The following LARP4B variants were observed in gnomAD, a reference collection of about 807,000 sequenced individuals.
The protein encoded by LARP4B is la-related protein 4B.
LARP4B carries 12 observed loss-of-function variants against 89.8 expected under a neutral mutation model. The observed-to-expected ratio is 0.13, with a 90% confidence interval of 0.09 to 0.22. The LOEUF is 0.22. LARP4B is among the 10% of genes least tolerant of loss of function. The pLI, the probability that LARP4B is intolerant of heterozygous loss-of-function variation, is 1.00. For missense variants in LARP4B, 757 were observed against 947.7 expected, an observed-to-expected ratio of 0.80 and a Z score of 2.64; for synonymous variants, 367 against 363.3, an observed-to-expected ratio of 1.01 and a Z score of -0.12.
chr10:854,007 T>C (rs1834181417), intron 5 of LARP4B, among the ~76,000 whole-genome samples: 1 of 152,256 alleles, frequency 6.6e-6, no homozygotes, highest in Non-Finnish European at 1.5e-5. Flanking sequence ...GTTTATGGAA[T>C]ATTCTAAATC....
intron 3 of LARP4B, among the ~76,000 whole-genome samples, chr10:878,922 AT>A (rs1351139261): frequency 3.9e-5 from 6 of 152,198 alleles, no homozygotes; most frequent in Non-Finnish European, 7.4e-5. Flanking sequence ...AAAATTACTA[AT>A]TTTTTTAAAG....
intron 3 of LARP4B, among the ~76,000 whole-genome samples, chr10:865,556 G>A (rs780410075): frequency 4.6e-5 from 7 of 152,036 alleles, no homozygotes; most frequent in Middle Eastern, 3.2e-3. Context: ...CTTCCCGTCC[G>A]TCTGTCCAGA....
At chr10:884,319 C>A in intron 3 of LARP4B, 128 bp downstream of exon 3, 1 of 732,750 alleles carries the variant, frequency 1.4e-6, no homozygotes, top group Non-Finnish European at 2.4e-6. Flanking sequence ...AATGGATCCC[C>A]TACCACAACT....
At chr10:959,342 ATCAATCCCACCTCCCCG>A in the LARP4B span, among the ~76,000 whole-genome samples, 1,509 of 147,064 alleles carry the variant, frequency 0.01, 43 homozygotes, top group African/African-American at 0.036. Flanking sequence ...CCACCTCCTC[ATCAATCCCACCTCCCCG>A]TCAATCCCAC....
At chr10:898,034 A>C (rs1025816527) in intron 1 of LARP4B, among the ~76,000 whole-genome samples, 1 of 151,808 alleles carries the variant, frequency 6.6e-6, no homozygotes, top group Non-Finnish European at 1.5e-5. Flanking sequence ...ATCCGAACGA[A>C]CATTTTCCCA....
In LARP4B at chr10:827,731, G is replaced by A. The variant is rs141386247; in HGVS notation, c.1125+1654C>T. On this transcript the variant is annotated intron_variant, in intron 11 of 17. Transcript: ENST00000316157. Reference sequence around the variant, plus strand: ...GAAACGGAAGAAGCAACTGCTGCAGGAAGAACTGAAAGGACTAGCATGGCA... The same window carrying A: ...GAAACGGAAGAAGCAACTGCTGCAGAAAGAACTGAAAGGACTAGCATGGCA... Among the ~76,000 whole-genome samples, 9 of 152,220 alleles carry A rather than the reference G, an allele frequency of 5.9e-5. No individual in the cohort carries two copies. In the East Asian group the frequency reaches 9.6e-4, roughly 16 times the overall value.
chr10:882,935 C>G (rs190395786), intron 3 of LARP4B, among the ~76,000 whole-genome samples: 2 of 152,322 alleles, frequency 1.3e-5, no homozygotes, highest in Non-Finnish European at 2.9e-5. Flanking sequence ...CACCTAATCA[C>G]TAAACCAATG....
the LARP4B span, chr10:972,910 A>T: frequency 2.2e-6 from 1 of 454,920 alleles, no homozygotes; most frequent in Non-Finnish European, 4.4e-6. Context: ...GCTGAGCCAC[A>T]TCGAGTTTTC....
intron 3 of LARP4B, among the ~76,000 whole-genome samples, chr10:873,816 T>C (rs1232777400): frequency 1.3e-5 from 2 of 152,254 alleles, no homozygotes; most frequent in Non-Finnish European, 2.9e-5. Context: ...CTGAAGTATC[T>C]GGGATAAAGT....
chr10:981,474 T>G, the LARP4B span, among the ~76,000 whole-genome samples: 1 of 152,182 alleles, frequency 6.6e-6, no homozygotes, highest in Non-Finnish European at 1.5e-5. Context: ...AATATGAGAT[T>G]TGGGTGGGAA....
At chr10:912,828 T>C (rs1265268575) in intron 1 of LARP4B, among the ~76,000 whole-genome samples, 1 of 151,962 alleles carries the variant, frequency 6.6e-6, no homozygotes, top group Non-Finnish European at 1.5e-5. Context: ...CAGAGGTCAC[T>C]GCACTCCAAC....
rs773445185 is a variant in LARP4B at position 817,797 on chromosome 10, G to A, written c.1623C>T (p.Ala541=). The change falls in exon 15 of 18, where the codon GCC becomes GCT. Residue 541 remains alanine, a synonymous_variant. Transcript: ENST00000316157. ...ACAAGTCCTCTGTCTTCAAATTGCC[G>A]GCAGCTCCAGGTAATGGAGGGAAGC... ...LSSFPPLPGA[A]GNLKTEDLFE... 9.9e-6 allele frequency: 16 copies of A among 1,614,082 alleles called. No individual in the cohort carries two copies. Among genetic ancestry groups the A allele is most frequent in the East Asian group, 4.5e-5 (2 of 44,886 alleles).
intron 1 of LARP4B, among the ~76,000 whole-genome samples, chr10:905,312 T>C (rs1198906324): frequency 6.6e-6 from 1 of 152,258 alleles, no homozygotes; most frequent in Non-Finnish European, 1.5e-5. Context: ...AAAATACACC[T>C]TATTTTACAC....
the LARP4B span, among the ~76,000 whole-genome samples, chr10:937,333 A>T: frequency 6.6e-6 from 1 of 152,180 alleles, no homozygotes. Flanking sequence ...GTGAGCCACC[A>T]CACCTGGCCA....
At chr10:876,903 A>G (rs1366281311) in intron 3 of LARP4B, among the ~76,000 whole-genome samples, 1 of 152,172 alleles carries the variant, frequency 6.6e-6, no homozygotes, top group African/African-American at 2.4e-5. Flanking sequence ...CAGCTCTAGC[A>G]TTCTTCTTGC....
At chr10:837,231 C>T (rs902832282) in intron 7 of LARP4B, among the ~76,000 whole-genome samples, 1 of 152,216 alleles carries the variant, frequency 6.6e-6, no homozygotes, top group Non-Finnish European at 1.5e-5. Flanking sequence ...GTAACTGGTG[C>T]ATGACTGTAA....
chr10:984,334 G>A, the LARP4B span, among the ~76,000 whole-genome samples: 1 of 152,158 alleles, frequency 6.6e-6, no homozygotes, highest in Admixed American at 6.5e-5. Flanking sequence ...ACAAGCATAA[G>A]TACATGCATT....
At chr10:935,593 C>G (rs1413323620), upstream of LARP4B, among the ~76,000 whole-genome samples, 1 of 152,190 alleles carries the variant, frequency 6.6e-6, no homozygotes. Flanking sequence ...AGGGCAGAGG[C>G]AGCGAGGGCA....
chr10:969,872 G>C, the LARP4B span, among the ~76,000 whole-genome samples: 4 of 152,194 alleles, frequency 2.6e-5, no homozygotes, highest in African/African-American at 4.8e-5. Flanking sequence ...ACGGGAGTTC[G>C]TGACCTGCAT....
Sources: gnomAD v4.1 joint callset for allele counts (sites outside exome capture counted in the v4.1 genomes callset) on GRCh38, gnomAD v4.1.1 for gene constraint, MANE v1.5 for transcripts, NCBI Gene and HGNC (gene_info 2026-07-23, HGNC 2026-07-21) for gene names.